The following CLCN3 variants were observed in gnomAD, a reference collection of about 807,000 sequenced individuals.
The protein encoded by CLCN3 is H(+)/Cl(-) exchange transporter 3.
A neutral mutation model predicts 83.4 loss-of-function variants in CLCN3; 16 were observed. That is an observed-to-expected ratio of 0.19 (90% CI 0.13 to 0.29). The LOEUF (loss-of-function observed/expected upper bound fraction) is 0.29. CLCN3 is among the 10% of genes least tolerant of loss of function. CLCN3 has a pLI of 1.00. For missense variants in CLCN3, 544 were observed against 1,006.0 expected (o/e 0.54, Z 6.21); for synonymous variants, 322 against 346.2 (o/e 0.93, Z 0.78).
At chr4:169,700,015 C>T (rs1732717393) in intron 9 of CLCN3, among the ~76,000 whole-genome samples, 1 of 151,982 alleles carries the variant, frequency 6.6e-6, no homozygotes, top group South Asian at 2.1e-4. Context: ...TGGGTAAATC[C>T]CAACTTTCTC....
intron 1 of CLCN3, among the ~76,000 whole-genome samples, chr4:169,630,899 G>A (rs1284400332): frequency 6.6e-6 from 1 of 152,170 alleles, no homozygotes; most frequent in African/African-American, 2.4e-5. Context: ...TTGCTATTGT[G>A]GGTAGTGCTG....
In CLCN3 at chr4:169,697,430, C is replaced by G; in HGVS notation, c.1259C>G (p.Ser420Cys). 1 of 1,614,142 alleles carries G rather than the reference C, an allele frequency of 6.2e-7. No homozygotes were observed. The highest frequency in any genetic ancestry group is 8.5e-7 in the Non-Finnish European group (1 of 1,180,030). ...ANIAWCRRRK[S>C]TKFGKYPVLE... ...ATTGCCTGGTGTCGTCGACGCAAGT[C>G]CACGAAATTTGGAAAGTATCCCGTT... The change falls in exon 9 of 13, where the codon TCC becomes TGC. Residue 420 changes from serine to cysteine, a missense_variant. Coordinates refer to ENST00000513761, the MANE Select transcript of CLCN3 (RefSeq NM_001829.4).
intron 2 of CLCN3, among the ~76,000 whole-genome samples, chr4:169,661,356 C>T (rs928205431): frequency 6.6e-6 from 1 of 152,130 alleles, no homozygotes; most frequent in African/African-American, 2.4e-5. Context: ...ATGATTTAAC[C>T]CAAACTTTTA....
intron 2 of CLCN3, among the ~76,000 whole-genome samples, chr4:169,662,171 G>A (rs1731079604): frequency 6.6e-6 from 1 of 152,118 alleles, no homozygotes; most frequent in Non-Finnish European, 1.5e-5. Context: ...CTAAACGTAA[G>A]CTTTTTATTT....
chr4:169,688,394 C>G (rs1023998203), intron 4 of CLCN3, among the ~76,000 whole-genome samples: 1 of 152,180 alleles, frequency 6.6e-6, no homozygotes, highest in Non-Finnish European at 1.5e-5. Flanking sequence ...GTTATAATCA[C>G]TTTCAGCTTC....
At chr4:169,714,254 T>TTC (rs1402922574) in intron 12 of CLCN3, among the ~76,000 whole-genome samples, 1 of 151,974 alleles carries the variant, frequency 6.6e-6, no homozygotes, top group Non-Finnish European at 1.5e-5. Context: ...CTGGTTGAAA[T>TTC]TCTAAACAGA....
intron 1 of CLCN3, among the ~76,000 whole-genome samples, chr4:169,635,465 AT>A (rs1560828625): frequency 1.3e-5 from 2 of 152,138 alleles, no homozygotes; most frequent in Non-Finnish European, 2.9e-5. Flanking sequence ...TGAAATAAAT[AT>A]TTTAAAATTT....
chr4:169,630,553 CAG>C (rs1389883053), intron 1 of CLCN3, among the ~76,000 whole-genome samples: 4 of 151,110 alleles, frequency 2.6e-5, no homozygotes, highest in African/African-American at 9.8e-5. Context: ...TTTTTTGAGA[CAG>C]AGTCTTGTTC....
intron 1 of CLCN3, among the ~76,000 whole-genome samples, chr4:169,628,434 A>G (rs1331253969): frequency 6.6e-6 from 1 of 152,240 alleles, no homozygotes; most frequent in African/African-American, 2.4e-5. Context: ...TATCTGTAAT[A>G]TATAAAGAAC....
intron 3 of CLCN3, among the ~76,000 whole-genome samples, chr4:169,685,026 A>G (rs1260988557): frequency 1.4e-5 from 2 of 145,204 alleles, no homozygotes; most frequent in Admixed American, 1.4e-4. Context: ...TATGTTACTC[A>G]GGCTGGTCTG....
rs769933651 is a variant in CLCN3 at position 169,626,248 on chromosome 4, G to A, written c.-17+5185G>A. 5.3e-5 allele frequency among the ~76,000 whole-genome samples: 8 copies of A among 152,370 alleles called. No homozygotes were observed. In the South Asian group the frequency reaches 6.2e-4, roughly 12 times the overall value. ...ACAGATGAACAGATGCATAGGGGGA[G>A]ATAGGGGAAAGAGCATGGAGCTTCC... On this transcript the variant is annotated intron_variant, in intron 1 of 12. Coordinates refer to ENST00000513761, the MANE Select transcript of CLCN3 (RefSeq NM_001829.4).
chr4:169,665,856 A>G (rs1342501964), intron 2 of CLCN3, among the ~76,000 whole-genome samples: 1 of 152,164 alleles, frequency 6.6e-6, no homozygotes, highest in Non-Finnish European at 1.5e-5. Flanking sequence ...AACTATATGC[A>G]TCATTTTTCA....
rs769203426 is a variant in CLCN3, at chr4:169,713,150, C to G, written c.2221C>G (p.Leu741Val). The G allele has an allele frequency of 1.3e-5, 21 of 1,614,104 alleles. No individual in the cohort carries two copies. The highest frequency in any genetic ancestry group is 1.8e-5 in the Non-Finnish European group (21 of 1,180,044). The change falls in exon 12 of 13, where the codon CTT becomes GTT. Residue 741 changes from leucine (L) to valine (V), a missense_variant. Coordinates refer to ENST00000513761, the MANE Select transcript of CLCN3 (RefSeq NM_001829.4). The part of the protein sequence containing the change: ...RVCFAQHTPS[L>V]PAESPRPLKL... ...GTGTTTTGCACAGCACACCCCATCT[C>G]TTCCAGCAGAAAGTCCTCGGCCATT...
At chr4:169,665,776 A>C (rs1731222190) in intron 2 of CLCN3, among the ~76,000 whole-genome samples, 1 of 152,242 alleles carries the variant, frequency 6.6e-6, no homozygotes. Flanking sequence ...TTATGAACTT[A>C]AATGACGAGG....
rs74724121 is a variant in CLCN3, at chr4:169,635,519, C to G, written c.-16-394C>G. Among the ~76,000 whole-genome samples, 310 of 152,158 alleles carry G rather than the reference C, an allele frequency of 2.0e-3. 6 individuals are homozygous for G. The East Asian group carries it at 0.023, about 11-fold the overall frequency. On this transcript the variant is annotated intron_variant, in intron 1 of 12. Transcript: ENST00000513761. ...TTTTTAAAATCAGGTTGTACTTACA[C>G]CTCTTACACCTGATAAAATATTCAA...
chr4:169,712,547 G>A (rs1010347294), intron 11 of CLCN3, among the ~76,000 whole-genome samples: 1 of 152,114 alleles, frequency 6.6e-6, no homozygotes, highest in Admixed American at 6.5e-5. Context: ...TAATGTTCAT[G>A]ACTTTTCTAG....
intron 7 of CLCN3, among the ~76,000 whole-genome samples, chr4:169,695,311 C>A (rs1337675238): frequency 3.3e-5 from 5 of 152,138 alleles, no homozygotes; most frequent in Middle Eastern, 3.2e-3. Context: ...CACAAACATA[C>A]GTCTTGAAAA....
At chr4:169,682,485 C>G (rs116576951) in intron 3 of CLCN3, among the ~76,000 whole-genome samples, 1,583 of 152,308 alleles carry the variant, frequency 0.01, 29 homozygotes, top group African/African-American at 0.036. Flanking sequence ...TGATGTCACT[C>G]TTTCAAGTAA....
intron 12 of CLCN3, among the ~76,000 whole-genome samples, chr4:169,714,270 A>C (rs1177830606): frequency 6.6e-6 from 1 of 151,740 alleles, no homozygotes; most frequent in Admixed American, 6.6e-5. Flanking sequence ...ACAGAGAATC[A>C]TAGCAGTTTT....
Sources: allele counts gnomAD v4.1 joint callset (sites outside exome capture counted in the v4.1 genomes callset), GRCh38; gene constraint gnomAD v4.1.1; transcripts MANE v1.5; gene names NCBI Gene and HGNC (gene_info 2026-07-23, HGNC 2026-07-21).